CAMTA1: variants seen among roughly 807,000 people sequenced by gnomAD.
The protein encoded by CAMTA1 is calmodulin-binding transcription activator 1.
Under a neutral mutation model 170.9 loss-of-function variants are expected in CAMTA1, and 27 were observed. The ratio of observed to expected loss-of-function variants is 0.16; its 90% CI spans 0.12 to 0.22. The LOEUF is 0.22. Among genes scored for constraint, CAMTA1 ranks in the 10% least tolerant of loss-of-function variants. The pLI, the probability that CAMTA1 is intolerant of heterozygous loss-of-function variation, is 1.00. For synonymous variants in CAMTA1, 833 were observed against 891.5 expected (o/e 0.93, Z 1.17); for missense variants, 1,619 against 2,217.2 (o/e 0.73, Z 5.42).
rs12723358 is a variant in CAMTA1 at position 7,230,445 on chromosome 1, G to A, written c.303-19046G>A. Among the ~76,000 whole-genome samples, 194 of 47,940 alleles carry A rather than the reference G, an allele frequency of 4.0e-3. 13 individuals carry two copies. Among genetic ancestry groups the A allele is most frequent in the African/African-American group, 0.024 (182 of 7,462 alleles). The allele number at this position is 47,940 out of a possible 152,430, so 31.5% of individuals were successfully genotyped here. A position where few individuals can be genotyped will look rare whatever the true frequency, so the allele number is the denominator to read the frequency against. ...TGCTCTGGGCTGACCCCCCCCCCCC[G>A]CCCCGCAAAGCTCTGTGGAAAGCGC... On this transcript the variant is annotated intron_variant, in intron 4 of 22. Coordinates refer to ENST00000303635, the MANE Select transcript of CAMTA1 (RefSeq NM_015215.4).
At chr1:7,259,012 G>T (rs1230231694) in intron 5 of CAMTA1, among the ~76,000 whole-genome samples, 1 of 152,156 alleles carries the variant, frequency 6.6e-6, no homozygotes, top group East Asian at 1.9e-4. Flanking sequence ...CCACCAGTAG[G>T]AGCTGGGGAG....
At chr1:7,666,430 C>CT (rs1273321480) in intron 9 of CAMTA1, among the ~76,000 whole-genome samples, 2 of 152,198 alleles carry the variant, frequency 1.3e-5, no homozygotes, top group African/African-American at 4.8e-5. Context: ...GGGGATCTGA[C>CT]TTTGAGAACC....
intron 3 of CAMTA1, among the ~76,000 whole-genome samples, chr1:6,833,863 C>T (rs566934106): frequency 5.3e-5 from 8 of 152,280 alleles, no homozygotes; most frequent in African/African-American, 1.7e-4. Flanking sequence ...TTTATATGGA[C>T]TTACAGCCCC....
Position 6,785,559 on chromosome 1 carries a change from C to G in CAMTA1, c.29C>G (p.Pro10Arg). 8 of 1,075,342 alleles carry G rather than the reference C, an allele frequency of 7.4e-6. No homozygotes were observed. Among genetic ancestry groups the G allele is most frequent in the Non-Finnish European group, 8.0e-6 (7 of 871,316 alleles). The allele number at this position is 1,075,342 out of a possible 1,614,324, so 66.6% of individuals were successfully genotyped here. MWRAEGKWLPKTSRKSVSQS... is the reference protein window; with the variant it reads MWRAEGKWLRKTSRKSVSQS... ...TGGCGCGCGGAGGGGAAATGGCTGC[C>G]GAAAACAAGCCGGAAGGTAAGAGCC... is the stretch of plus-strand genomic sequence containing the variant. The change falls in exon 1 of 23, where the codon CCG (proline) becomes CGG (arginine). Residue 10 changes from proline (P) to arginine (R), a missense_variant. Coordinates refer to ENST00000303635, the MANE Select transcript of CAMTA1 (RefSeq NM_015215.4).
intron 6 of CAMTA1, among the ~76,000 whole-genome samples, chr1:7,601,255 C>T (rs908763802): frequency 6.6e-6 from 1 of 152,088 alleles, no homozygotes; most frequent in Admixed American, 6.5e-5. Flanking sequence ...GGGCTCCTCA[C>T]TTCTCAGACG....
intron 3 of CAMTA1, among the ~76,000 whole-genome samples, chr1:6,854,037 T>G (rs1265154401): frequency 6.6e-6 from 1 of 152,204 alleles, no homozygotes; most frequent in East Asian, 1.9e-4. Context: ...TTCCATAACA[T>G]AATGAACAAA....
intron 6 of CAMTA1, among the ~76,000 whole-genome samples, chr1:7,545,741 T>C (rs1193291633): frequency 6.6e-6 from 1 of 152,098 alleles, no homozygotes; most frequent in East Asian, 1.9e-4. Flanking sequence ...GTTTGTTACA[T>C]AGGTAGACAT....
intron 3 of CAMTA1, among the ~76,000 whole-genome samples, chr1:6,980,070 T>A (rs1432183575): frequency 2.0e-5 from 3 of 152,186 alleles, no homozygotes; most frequent in Non-Finnish European, 4.4e-5. Flanking sequence ...CCCATGAGCT[T>A]TTCTTTCAGA....
chr1:6,937,232 C>T (rs370711457), intron 3 of CAMTA1, among the ~76,000 whole-genome samples: 2,473 of 151,728 alleles, frequency 0.016, 62 homozygotes, highest in African/African-American at 0.056. Flanking sequence ...CCACTTACCA[C>T]CACTATCATC....
chr1:7,478,118 A>G lies in CAMTA1; in HGVS notation c.510+10217A>G, dbSNP rs538353029. Among the ~76,000 whole-genome samples the G allele has an allele frequency of 2.6e-5, 4 of 152,340 alleles. No homozygotes were observed. The South Asian group carries it at 8.3e-4, about 32-fold the overall frequency. ...TTTTGGACTCGGCAGCCCCCTGGGA[A>G]GTGGTGGCTGTTTTCACCCCACCAG... is the stretch of plus-strand genomic sequence containing the variant. On this transcript the variant is annotated intron_variant, in intron 6 of 22. Coordinates refer to ENST00000303635, the MANE Select transcript of CAMTA1 (RefSeq NM_015215.4).
At chr1:7,252,971 G>A (rs1007529749) in intron 5 of CAMTA1, among the ~76,000 whole-genome samples, 2 of 152,158 alleles carry the variant, frequency 1.3e-5, no homozygotes, top group Non-Finnish European at 2.9e-5. Flanking sequence ...CCAGGCACAG[G>A]ATGGGGGCAG....
intron 3 of CAMTA1, among the ~76,000 whole-genome samples, chr1:6,904,873 G>A (rs574080114): frequency 7.9e-5 from 12 of 151,260 alleles, no homozygotes; most frequent in Admixed American, 5.3e-4. Context: ...GATTACAGGC[G>A]TGAGCCGCCA....
chr1:6,964,230 G>A (rs1015104380), intron 3 of CAMTA1, among the ~76,000 whole-genome samples: 1 of 152,092 alleles, frequency 6.6e-6, no homozygotes, highest in Non-Finnish European at 1.5e-5. Context: ...GCAGCGTCCT[G>A]GAGGTCTGGG....
At chr1:7,704,805 G>C (rs2096489796) in intron 11 of CAMTA1, among the ~76,000 whole-genome samples, 1 of 147,016 alleles carries the variant, frequency 6.8e-6, no homozygotes, top group African/African-American at 2.5e-5. Context: ...GGGCTGGGCC[G>C]GGCCGGGCGG....
At chr1:7,011,234 C>T (rs931471896) in intron 3 of CAMTA1, among the ~76,000 whole-genome samples, 13 of 152,180 alleles carry the variant, frequency 8.5e-5, no homozygotes, top group Admixed American at 4.6e-4. Flanking sequence ...GACAGAGTCT[C>T]GCTCTTTTCG....
At chr1:7,250,819 C>G (rs1666514766) in intron 5 of CAMTA1, among the ~76,000 whole-genome samples, 1 of 152,206 alleles carries the variant, frequency 6.6e-6, no homozygotes, top group African/African-American at 2.4e-5. Flanking sequence ...CTGCATTCTC[C>G]TGTGCTCAGT....
intron 11 of CAMTA1, among the ~76,000 whole-genome samples, chr1:7,725,949 G>A (rs983908602): frequency 2.0e-5 from 3 of 152,046 alleles, no homozygotes; most frequent in Non-Finnish European, 2.9e-5. Context: ...AGGAACAGGC[G>A]GGTGGGTCAC....
chr1:7,326,396 C>A (rs12739426), intron 5 of CAMTA1, among the ~76,000 whole-genome samples: 45,279 of 152,094 alleles, frequency 0.3, 7,057 homozygotes, highest in East Asian at 0.57. Context: ...TTCTGTCCCC[C>A]TCAAAAGACA....
chr1:6,816,196 C>T (rs991884722), intron 1 of CAMTA1, among the ~76,000 whole-genome samples: 1 of 152,300 alleles, frequency 6.6e-6, no homozygotes. Context: ...TCCTTCCACT[C>T]CACCATGGCT....
Sources: gnomAD v4.1 joint callset for allele counts (sites outside exome capture counted in the v4.1 genomes callset) on GRCh38, gnomAD v4.1.1 for gene constraint, MANE v1.5 for transcripts, NCBI Gene and HGNC (gene_info 2026-07-23, HGNC 2026-07-21) for gene names.